Variants in NT5M observed in about 807,000 individuals in gnomAD.
NT5M encodes 5',3'-nucleotidase, mitochondrial, also known as 5'(3')-deoxyribonucleotidase, mitochondrial.
Under a neutral mutation model 22.2 loss-of-function variants are expected in NT5M, and 22 were observed. The observed-to-expected ratio is 0.99, with a 90% CI of 0.71 to 1.41. NT5M has a LOEUF of 1.41. Ranked by LOEUF, NT5M falls within the 40% of genes most tolerant of loss-of-function variation. The pLI is 0.00. For synonymous variants in NT5M, 167 were observed against 133.0 expected, an observed-to-expected ratio of 1.26 and a Z score of -1.76; for missense variants, 322 against 314.8, an observed-to-expected ratio of 1.02 and a Z score of -0.17.
chr17:17,303,860 C>T (rs1444372923), intron 1 of NT5M, 43 bp downstream of exon 1: 5 of 1,337,740 alleles, frequency 3.7e-6, no homozygotes, highest in Non-Finnish European at 4.8e-6. Context: ...TCCTTCTCGC[C>T]CCGAGCCCCA....
intron 3 of NT5M, among the ~76,000 whole-genome samples, chr17:17,336,557 T>G (rs1476197867): frequency 6.9e-6 from 1 of 144,492 alleles, no homozygotes; most frequent in African/African-American, 2.7e-5. Flanking sequence ...TTCTTTTCTT[T>G]TTTTTTTTTT....
At position 17,319,212 on chromosome 17, in the gene NT5M, A is replaced by AG. The variant is rs1368558660; in HGVS notation, c.369-3972dup. Among the ~76,000 whole-genome samples the AG allele has an allele frequency of 1.1e-4, 10 of 92,292 alleles. No individual in the cohort carries two copies. In the South Asian group the frequency reaches 1.2e-3, roughly 11 times the overall value. The allele number at this position is 92,292 out of a possible 152,430, so 60.5% of individuals were successfully genotyped here. A position where few individuals can be genotyped will look rare whatever the true frequency, so the allele number is the denominator to read the frequency against. On this transcript the variant is annotated intron_variant, in intron 2 of 4. Coordinates refer to ENST00000389022, the MANE Select transcript of NT5M (RefSeq NM_020201.4). The stretch of plus-strand genomic sequence containing the variant: ...CTGGGCAAGAGTGAGACCTCGTCTT[A>AG]GAAAAAAAAAAAAAAAAGTTTCTGA...
intron 3 of NT5M, among the ~76,000 whole-genome samples, chr17:17,344,024 C>T (rs1211917800): frequency 1.3e-5 from 2 of 152,168 alleles, no homozygotes; most frequent in East Asian, 3.9e-4. Flanking sequence ...TCAATTTCCC[C>T]AGGGAATCGA....
At chr17:17,326,683 C>T (rs2049273895) in intron 3 of NT5M, among the ~76,000 whole-genome samples, 2 of 152,184 alleles carry the variant, frequency 1.3e-5, no homozygotes, top group African/African-American at 2.4e-5. Context: ...GCTTGGGTCC[C>T]ACACCCAGCC....
chr17:17,306,605 G>A lies in NT5M; in HGVS notation c.330G>A (p.Gly110=). Residue 110 remains glycine (G), a synonymous_variant, in exon 2 of 5, where the codon GGG becomes GGA. Transcript: ENST00000389022. ...NFFFELEPLP[G]AVEAVKEMAS... ...TTTTTGAACTTGAGCCTCTGCCAGG[G>A]GCCGTGGAAGCTGTCAAGGAGATGG... 1 of 1,614,028 alleles carries A rather than the reference G, an allele frequency of 6.2e-7. No homozygotes were observed. The highest frequency in any genetic ancestry group is 8.5e-7 in the Non-Finnish European group (1 of 1,179,992).
chr17:17,345,185 T>C, intron 4 of NT5M: 1 of 1,170,546 alleles, frequency 8.5e-7, no homozygotes, highest in Non-Finnish European at 1.1e-6. Flanking sequence ...CTTCCTCATG[T>C]AACATGGGGA....
At chr17:17,344,975 C>T in intron 4 of NT5M, 67 bp downstream of exon 4, 1 of 1,601,718 alleles carries the variant, frequency 6.2e-7, no homozygotes, top group Non-Finnish European at 8.5e-7. Context: ...TTCTCCTGGG[C>T]AGTGAGCACT....
intron 3 of NT5M, among the ~76,000 whole-genome samples, chr17:17,325,742 C>T (rs911858508): frequency 5.9e-5 from 9 of 152,206 alleles, no homozygotes; most frequent in African/African-American, 1.9e-4. Context: ...CTGTGCCCCC[C>T]TCTCTGTGTG....
At chr17:17,346,663 C>T (rs2049765022) in intron 4 of NT5M, 142 bp from the exon 5 acceptor site, 7 of 905,590 alleles carry the variant, frequency 7.7e-6, no homozygotes, top group South Asian at 1.7e-5. Flanking sequence ...GCTGCGAAGG[C>T]GGGTGTGCGT....
At chr17:17,323,393 CCAGCCTGAGGCTCTAGATGGGGCCT>C (rs1278092825) in intron 3 of NT5M, 148 bp downstream of exon 3, 17 of 720,136 alleles carry the variant, frequency 2.4e-5, no homozygotes, top group Non-Finnish European at 4.2e-5. Flanking sequence ...AAGGACCTCT[CCAGCCTGAGGCTCTAGATGGGGCCT>C]CTTATGATGC....
chr17:17,306,927 G>C (rs1004845491), intron 2 of NT5M, among the ~76,000 whole-genome samples: 2 of 152,352 alleles, frequency 1.3e-5, no homozygotes, highest in East Asian at 3.9e-4. Context: ...CCCGGACGTG[G>C]TGGCTCATGC....
At chr17:17,304,473 T>G in intron 1 of NT5M, 7 of 978,166 alleles carry the variant, frequency 7.2e-6, no homozygotes, top group South Asian at 4.7e-5. Context: ...TACACACAGA[T>G]CTTGGTTGGT....
intron 2 of NT5M, among the ~76,000 whole-genome samples, chr17:17,311,869 G>A (rs1339470284): frequency 6.6e-6 from 1 of 152,224 alleles, no homozygotes; most frequent in East Asian, 1.9e-4. Flanking sequence ...GAGTCTGAGA[G>A]GCAAAGAATA....
chr17:17,341,201 A>G (rs915535549), intron 3 of NT5M, among the ~76,000 whole-genome samples: 2 of 152,108 alleles, frequency 1.3e-5, no homozygotes, highest in African/African-American at 4.8e-5. Flanking sequence ...GTATCCTGTT[A>G]GTTTGCCAAA....
chr17:17,304,194 C>T (rs776647681), intron 1 of NT5M, among the ~76,000 whole-genome samples: 1 of 151,976 alleles, frequency 6.6e-6, no homozygotes, highest in Non-Finnish European at 1.5e-5. Flanking sequence ...ACTTCTTTGT[C>T]CCCAGGACTT....
chr17:17,308,147 G>A (rs187699987), intron 2 of NT5M, among the ~76,000 whole-genome samples: 30 of 152,312 alleles, frequency 2.0e-4, no homozygotes, highest in African/African-American at 6.7e-4. Flanking sequence ...AAGTGTTTAA[G>A]GAAAGAGAAG....
At chr17:17,323,064 A>G in intron 2 of NT5M, 121 bp from the exon 3 acceptor site, 1 of 822,104 alleles carries the variant, frequency 1.2e-6, no homozygotes, top group South Asian at 1.4e-5. Context: ...TGGGTCTCCC[A>G]CAGCAGGGGA....
At chr17:17,343,191 G>A (rs969863461) in intron 3 of NT5M, among the ~76,000 whole-genome samples, 1 of 152,166 alleles carries the variant, frequency 6.6e-6, no homozygotes, top group Non-Finnish European at 1.5e-5. Flanking sequence ...TTAGGAGGTG[G>A]CAGCTTTAGA....
intron 2 of NT5M, among the ~76,000 whole-genome samples, chr17:17,308,935 A>G (rs1422881631): frequency 6.6e-6 from 1 of 152,058 alleles, no homozygotes; most frequent in East Asian, 1.9e-4. Context: ...AATACTTACT[A>G]TTTTTATGGC....
Sources: allele counts gnomAD v4.1 joint callset (sites outside exome capture counted in the v4.1 genomes callset), GRCh38; gene constraint gnomAD v4.1.1; transcripts MANE v1.5; gene names NCBI Gene and HGNC (gene_info 2026-07-23, HGNC 2026-07-21).